Variants in PAK1 observed in about 807,000 individuals in gnomAD.
The protein encoded by PAK1 is serine/threonine-protein kinase PAK 1.
In PAK1, 29 loss-of-function variants were observed where a neutral mutation model predicts 67.4. The ratio of observed to expected loss-of-function variants is 0.43; its 90% CI spans 0.32 to 0.59. The LOEUF is 0.59. Ranked by LOEUF, PAK1 falls within the 20% of genes least tolerant of loss-of-function variation. The probability of loss-of-function intolerance (pLI) is 0.07; values close to 1 mark genes in which losing one functional copy is unlikely to be tolerated. For missense variants in PAK1, 337 were observed against 670.7 expected (o/e 0.50, Z 5.50); for synonymous variants, 223 against 237.4 (o/e 0.94, Z 0.56).
chr11:77,363,406 T>C (rs1247610506), intron 5 of PAK1, among the ~76,000 whole-genome samples: 1 of 152,166 alleles, frequency 6.6e-6, no homozygotes, highest in African/African-American at 2.4e-5. Flanking sequence ...AGACCAAGGA[T>C]TGATACCTGA....
At chr11:77,414,935 G>A (rs1027569604) in intron 1 of PAK1, among the ~76,000 whole-genome samples, 1 of 151,974 alleles carries the variant, frequency 6.6e-6, no homozygotes, top group African/African-American at 2.4e-5. Flanking sequence ...AAAATACAGT[G>A]TTAAGAGAAC....
intron 2 of PAK1, among the ~76,000 whole-genome samples, chr11:77,385,152 CAGG>C (rs1950293901): frequency 6.6e-6 from 1 of 152,060 alleles, no homozygotes; most frequent in Admixed American, 6.6e-5. Context: ...AGATTAAAAA[CAGG>C]AGAAGGGTAT....
intron 2 of PAK1, among the ~76,000 whole-genome samples, 189 bp from the exon 3 acceptor site, chr11:77,380,183 AT>A (rs991015966): frequency 1.2e-4 from 19 of 152,108 alleles, no homozygotes; most frequent in African/African-American, 4.6e-4. Flanking sequence ...TAAAGACTTA[AT>A]TTCTTGTTGA....
the PAK1 span, among the ~76,000 whole-genome samples, chr11:77,501,155 AAAAAAACAAAAAAC>A: frequency 1.6e-4 from 24 of 148,646 alleles, no homozygotes; most frequent in Non-Finnish European, 1.5e-4. Context: ...CGTCTCAAAA[AAAAAAACAAAAAAC>A]AAAAAACAAA....
At chr11:77,425,245 C>T (rs1179525940) in intron 1 of PAK1, among the ~76,000 whole-genome samples, 1 of 151,042 alleles carries the variant, frequency 6.6e-6, no homozygotes, top group East Asian at 1.9e-4. Context: ...CTCCTGGATT[C>T]CAAAAACTTC....
At chr11:77,356,734 A>G (rs2136534168) in intron 6 of PAK1, among the ~76,000 whole-genome samples, 1 of 152,266 alleles carries the variant, frequency 6.6e-6, no homozygotes, top group Middle Eastern at 3.4e-3. Flanking sequence ...ATTTACTGAG[A>G]ATCTATTTGT....
intron 14 of PAK1, among the ~76,000 whole-genome samples, chr11:77,328,493 G>A (rs969613547): frequency 1.2e-3 from 181 of 152,228 alleles, no homozygotes; most frequent in African/African-American, 4.1e-3. Context: ...ACTCAAAACT[G>A]CTCAACTACA....
In PAK1 at chr11:77,323,206, T is replaced by C. The variant is rs1045002240; in HGVS notation, c.*68A>G. The C allele has an allele frequency of 1.2e-5, 20 of 1,607,218 alleles. No individual in the cohort carries two copies. The highest frequency in any genetic ancestry group is 6.8e-5 in the Admixed American group (4 of 58,748). On this transcript the variant is annotated 3_prime_UTR_variant, in exon 15 of 15. Transcript: ENST00000356341. ...GCAAGGAGAAGAGGGCATCAGGAGTTGGAATTTCTGAAATGTGCATTTATC... is the reference window on the plus strand; with the variant it reads ...GCAAGGAGAAGAGGGCATCAGGAGTCGGAATTTCTGAAATGTGCATTTATC...
chr11:77,339,790 C>T (rs1460466908), intron 11 of PAK1, among the ~76,000 whole-genome samples: 1 of 151,954 alleles, frequency 6.6e-6, no homozygotes, highest in Admixed American at 6.6e-5. Flanking sequence ...CCTAACTTTT[C>T]TACTAGGTTG....
At chr11:77,421,593 G>A (rs887846583) in intron 1 of PAK1, among the ~76,000 whole-genome samples, 19 of 152,160 alleles carry the variant, frequency 1.2e-4, no homozygotes, top group African/African-American at 4.6e-4. Context: ...CTTGCAAACA[G>A]TGGGTGACAG....
In PAK1 at chr11:77,448,061, G is replaced by A. The variant is rs369694712; in HGVS notation, c.-22+25491C>T. On this transcript the variant is annotated intron_variant, in intron 1 of 14. Coordinates refer to ENST00000356341, the MANE Select transcript of PAK1 (RefSeq NM_002576.5). ...AAGAATACTGAATTAGGAGTCAGAAGAATAGTTCCAAACACAACTCAAGCT... is the reference window on the plus strand; with the variant it reads ...AAGAATACTGAATTAGGAGTCAGAAAAATAGTTCCAAACACAACTCAAGCT... Among the ~76,000 whole-genome samples the A allele has an allele frequency of 2.3e-4, 35 of 152,290 alleles. No homozygotes were observed. The South Asian group carries it at 3.1e-3, about 14-fold the overall frequency.
chr11:77,505,869 T>A, the PAK1 span, among the ~76,000 whole-genome samples: 3 of 152,162 alleles, frequency 2.0e-5, no homozygotes, highest in African/African-American at 7.2e-5. Flanking sequence ...AGTGCTGTGT[T>A]AGAAGTAAGA....
chr11:77,387,923 T>C (rs1197035590), intron 2 of PAK1, among the ~76,000 whole-genome samples: 1 of 152,228 alleles, frequency 6.6e-6, no homozygotes, highest in Non-Finnish European at 1.5e-5. Context: ...AGTAGCTTAC[T>C]GGTTGATCAA....
chr11:77,329,509 A>G (rs905255051), intron 14 of PAK1, among the ~76,000 whole-genome samples: 11 of 152,252 alleles, frequency 7.2e-5, no homozygotes, highest in African/African-American at 2.7e-4. Context: ...AATCCAAGGT[A>G]TAAACAGAAC....
At chr11:77,337,282 C>T in intron 12 of PAK1, 42 bp downstream of exon 12, 1 of 1,023,666 alleles carries the variant, frequency 9.8e-7, no homozygotes, top group South Asian at 1.4e-5. Flanking sequence ...GACAGGGCCC[C>T]ACAGGCAGAG....
chr11:77,398,558 C>T (rs766780987), intron 1 of PAK1, among the ~76,000 whole-genome samples: 5 of 152,118 alleles, frequency 3.3e-5, no homozygotes, highest in Non-Finnish European at 7.4e-5. Context: ...TGCATATACA[C>T]CACATTTTCT....
At chr11:77,460,769 G>A (rs1330644304) in intron 1 of PAK1, among the ~76,000 whole-genome samples, 2 of 152,186 alleles carry the variant, frequency 1.3e-5, no homozygotes, top group East Asian at 1.9e-4. Flanking sequence ...TAAAAGAAGG[G>A]GCAAAGGAAG....
At position 77,323,050 on chromosome 11, in the gene PAK1, A is replaced by G. The variant is rs1938759554; in HGVS notation, c.*224T>C. 5 of 786,286 alleles carry G rather than the reference A, an allele frequency of 6.4e-6. No individual in the cohort carries two copies. The highest frequency in any genetic ancestry group is 8.6e-6 in the Non-Finnish European group (4 of 463,676). The allele number at this position is 786,286 out of a possible 1,614,324, so 48.7% of individuals were successfully genotyped here. ...ACCACCCTCATATCCATGAATTGGG[A>G]GGAAATTCCTTATTTAGAAATGGCC... On this transcript the variant is annotated 3_prime_UTR_variant, in exon 15 of 15. Transcript: ENST00000356341.
chr11:77,499,629 T>C, the PAK1 span, among the ~76,000 whole-genome samples: 1 of 152,214 alleles, frequency 6.6e-6, no homozygotes, highest in African/African-American at 2.4e-5. Flanking sequence ...GTACTGCCTC[T>C]TAAGTATTCC....
Sources: gnomAD v4.1 joint callset for allele counts (sites outside exome capture counted in the v4.1 genomes callset) on GRCh38, gnomAD v4.1.1 for gene constraint, MANE v1.5 for transcripts, NCBI Gene and HGNC (gene_info 2026-07-23, HGNC 2026-07-21) for gene names.